HTR2C: variants seen among roughly 807,000 people sequenced by gnomAD.
The protein encoded by HTR2C is 5-hydroxytryptamine receptor 2C.
HTR2C carries 5 observed loss-of-function variants against 21.0 expected under a neutral mutation model. The ratio of observed to expected loss-of-function variants is 0.24; its 90% CI spans 0.12 to 0.50. The LOEUF (loss-of-function observed/expected upper bound fraction) is 0.50. Ranked by LOEUF, HTR2C falls within the 20% of genes least tolerant of loss-of-function variation. The probability of loss-of-function intolerance (pLI) is 0.98; values close to 1 mark genes in which losing one functional copy is unlikely to be tolerated. For missense variants in HTR2C, 271 were observed against 371.2 expected (o/e 0.73, Z 2.22); for synonymous variants, 150 against 145.3 (o/e 1.03, Z -0.23).
At chrX:114,893,775 G>A (rs2071275959) in intron 5 of HTR2C, among the ~76,000 whole-genome samples, 1 of 111,829 alleles carries the variant, frequency 8.9e-6, no homozygotes, top group African/African-American at 3.2e-5. Flanking sequence ...CAAAGACTCA[G>A]AGAAAATATA....
At chrX:114,859,029 C>CA (rs2147499645) in intron 5 of HTR2C, among the ~76,000 whole-genome samples, 1 of 107,794 alleles carries the variant, frequency 9.3e-6, no homozygotes, top group Admixed American at 1.0e-4. Flanking sequence ...TTGTAATGGG[C>CA]TTTTTTTTTC....
intron 2 of HTR2C, among the ~76,000 whole-genome samples, chrX:114,700,665 A>T (rs985288924): frequency 8.9e-6 from 1 of 112,424 alleles, no homozygotes; most frequent in African/African-American, 3.2e-5. Context: ...TTTCCATCTG[A>T]GGTATCAGGT....
At chrX:114,626,975 G>T (rs1396457748) in intron 2 of HTR2C, among the ~76,000 whole-genome samples, 1 of 111,511 alleles carries the variant, frequency 9.0e-6, no homozygotes, top group Admixed American at 9.6e-5. Flanking sequence ...TTCATTAAAC[G>T]TTATGATATC....
At chrX:114,819,965 G>T (rs1427148080) in intron 4 of HTR2C, among the ~76,000 whole-genome samples, 1 of 110,915 alleles carries the variant, frequency 9.0e-6, no homozygotes, top group African/African-American at 3.3e-5. Context: ...TTGTCACATA[G>T]AGTCTGTTCT....
chrX:114,804,012 A>G (rs148625034), intron 4 of HTR2C, among the ~76,000 whole-genome samples: 33 of 111,995 alleles, frequency 2.9e-4, no homozygotes, highest in African/African-American at 1.1e-3. Flanking sequence ...TAGTAAACAA[A>G]TGCTCCTTCG....
At chrX:114,737,512 G>T (rs782707006) in intron 4 of HTR2C, among the ~76,000 whole-genome samples, 134 of 111,369 alleles carry the variant, frequency 1.2e-3, no homozygotes, top group African/African-American at 3.8e-3. Context: ...GAGCCAGCGC[G>T]CCAGGGCACT....
chrX:114,773,957 A>C (rs1448243812), intron 4 of HTR2C, among the ~76,000 whole-genome samples: 2 of 109,841 alleles, frequency 1.8e-5, no homozygotes, highest in Non-Finnish European at 3.8e-5. Context: ...AGCCACTAGG[A>C]TAGAGATGTT....
chrX:114,685,580 A>G (rs1405834378), intron 2 of HTR2C, among the ~76,000 whole-genome samples: 3 of 111,793 alleles, frequency 2.7e-5, no homozygotes, highest in African/African-American at 9.8e-5. Flanking sequence ...CTGAAATTAG[A>G]CAGTAACCCG....
chrX:114,650,126 A>G (rs1157889763), intron 2 of HTR2C, among the ~76,000 whole-genome samples: 1 of 112,042 alleles, frequency 8.9e-6, no homozygotes, highest in East Asian at 2.8e-4. Context: ...TAATTTGACT[A>G]CATTTAATGT....
intron 4 of HTR2C, among the ~76,000 whole-genome samples, chrX:114,814,249 T>C (rs1556453658): frequency 9.0e-6 from 1 of 110,683 alleles, no homozygotes; most frequent in Non-Finnish European, 1.9e-5. Context: ...CTTCATGATA[T>C]AGTATGCCTT....
In HTR2C at chrX:114,747,775, C is replaced by T. The variant is rs781890573; in HGVS notation, c.349+16168C>T. Among the ~76,000 whole-genome samples the T allele has an allele frequency of 3.6e-5, 4 of 112,437 alleles. No homozygotes were observed. In the East Asian group the frequency reaches 8.4e-4, roughly 24 times the overall value. The stretch of plus-strand genomic sequence containing the variant: ...CACATGGCAAGGAATTGAGAGAAGC[C>T]TCCCACATCCAATGTGGGTCCCAGG... On this transcript the variant is annotated intron_variant, in intron 4 of 5. Transcript: ENST00000276198.
At chrX:114,707,801 C>G (rs930387260) in intron 2 of HTR2C, among the ~76,000 whole-genome samples, 2 of 110,529 alleles carry the variant, frequency 1.8e-5, no homozygotes, top group African/African-American at 6.6e-5. Flanking sequence ...CATGGAAACT[C>G]TACCATTTCA....
chrX:114,847,981 T>G (rs1556468111), intron 4 of HTR2C, 22 bp from the exon 5 acceptor site: 1 of 1,157,786 alleles, frequency 8.6e-7, no homozygotes, highest in South Asian at 1.8e-5. Context: ...CGTGTTCTTG[T>G]CTTCTCTCTG....
chrX:114,586,419 G>A (rs782503511), intron 1 of HTR2C, among the ~76,000 whole-genome samples: 16 of 111,410 alleles, frequency 1.4e-4, no homozygotes, highest in Non-Finnish European at 2.4e-4. Context: ...TCCTGGGGAG[G>A]GAAGAAAATA....
chrX:114,799,925 G>T (rs1455463981), intron 4 of HTR2C, among the ~76,000 whole-genome samples: 2 of 111,264 alleles, frequency 1.8e-5, no homozygotes, highest in Non-Finnish European at 3.8e-5. Context: ...TATCAGTTCA[G>T]AAGTCTGATT....
intron 2 of HTR2C, among the ~76,000 whole-genome samples, chrX:114,629,762 G>T (rs1171638481): frequency 9.0e-6 from 1 of 111,108 alleles, no homozygotes; most frequent in Admixed American, 9.6e-5. Context: ...ATCCAGTTCT[G>T]TGCACTAGAG....
At chrX:114,805,649 C>CAT (rs1411145557) in intron 4 of HTR2C, among the ~76,000 whole-genome samples, 5,404 of 22,743 alleles carry the variant, frequency 0.24, 2,119 homozygotes, top group East Asian at 0.73. Flanking sequence ...TATATATACA[C>CAT]CATATATATA....
intron 4 of HTR2C, among the ~76,000 whole-genome samples, chrX:114,806,260 CATATATACACCAT>C (rs1318708849): frequency 3.1e-5 from 3 of 97,963 alleles, no homozygotes; most frequent in Non-Finnish European, 4.1e-5. Context: ...ATATACACCA[CATATATACACCAT>C]ATATATACAC....
At chrX:114,606,684 G>A (rs1373823944) in intron 1 of HTR2C, among the ~76,000 whole-genome samples, 3 of 111,968 alleles carry the variant, frequency 2.7e-5, no homozygotes, top group Non-Finnish European at 5.6e-5. Flanking sequence ...GGGCTGGTCG[G>A]TCTGAGGACA....
Sources: allele counts gnomAD v4.1 joint callset (sites outside exome capture counted in the v4.1 genomes callset), GRCh38; gene constraint gnomAD v4.1.1; transcripts MANE v1.5; gene names NCBI Gene and HGNC (gene_info 2026-07-23, HGNC 2026-07-21).